RBM20: variants seen among roughly 807,000 people sequenced by gnomAD.
RBM20 encodes the protein RNA binding motif protein 20, also known as RNA-binding protein 20.
A neutral mutation model predicts 110.1 loss-of-function variants in RBM20; 51 were observed. The ratio of observed to expected loss-of-function variants is 0.46; its 90% CI spans 0.37 to 0.59. RBM20 has a LOEUF of 0.59. Among genes scored for constraint, RBM20 ranks in the 20% least tolerant of loss-of-function variants. The pLI, the probability that RBM20 is intolerant of heterozygous loss-of-function variation, is 0.00. For missense variants in RBM20, 1,512 were observed against 1,574.9 expected (o/e 0.96, Z 0.68); for synonymous variants, 589 against 618.2 (o/e 0.95, Z 0.70).
intron 1 of RBM20, among the ~76,000 whole-genome samples, chr10:110,767,707 G>A (rs984778975): frequency 1.3e-5 from 2 of 151,070 alleles, no homozygotes; most frequent in Non-Finnish European, 3.0e-5. Flanking sequence ...CGGGGCAAAG[G>A]CGCTCCCCAC....
intron 1 of RBM20, among the ~76,000 whole-genome samples, chr10:110,655,816 C>T (rs547699306): frequency 6.6e-6 from 1 of 152,290 alleles, no homozygotes; most frequent in African/African-American, 2.4e-5. Context: ...ATCCTTTAAA[C>T]CATGAGTTTC....
chr10:110,739,600 A>G lies in RBM20; in HGVS notation c.192-41201A>G, dbSNP rs1843704771. Among the ~76,000 whole-genome samples, 1 of 152,178 alleles carries G rather than the reference A, an allele frequency of 6.6e-6. No individual in the cohort carries two copies. The highest frequency in any genetic ancestry group is 2.4e-5 in the African/African-American group (1 of 41,442). ...TCTACAGCCTTCCAGAAAGAACTCAACTCGAGGACTGACGTGGTGGTGGAA... is the reference window on the plus strand; with the variant it reads ...TCTACAGCCTTCCAGAAAGAACTCAGCTCGAGGACTGACGTGGTGGTGGAA... On this transcript the variant is annotated intron_variant, in intron 1 of 13. Transcript: ENST00000369519. This position sits in a 1 kb window ranked among gnomAD's most constrained non-coding sequence, Gnocchi z 4.1.
intron 12 of RBM20, among the ~76,000 whole-genome samples, chr10:110,827,407 CAA>C (rs35330052): frequency 6.9e-6 from 1 of 145,752 alleles, no homozygotes; most frequent in Non-Finnish European, 1.5e-5. Context: ...GGAAAAGAAA[CAA>C]AAAAAAAAAC....
chr10:110,758,014 C>CTTTCTTTT (rs1843943237), intron 1 of RBM20, among the ~76,000 whole-genome samples: 1 of 79,910 alleles, frequency 1.3e-5, no homozygotes, highest in African/African-American at 5.2e-5. Flanking sequence ...GATCCTTGTT[C>CTTTCTTTT]TTTTTTTTTT....
intron 1 of RBM20, among the ~76,000 whole-genome samples, chr10:110,728,307 C>G (rs1843585634): frequency 6.6e-6 from 1 of 152,192 alleles, no homozygotes; most frequent in African/African-American, 2.4e-5. Context: ...CCCAGGGCCC[C>G]TGCCATAAAT....
intron 13 of RBM20, among the ~76,000 whole-genome samples, chr10:110,833,750 T>C (rs899268143): frequency 2.6e-5 from 4 of 152,216 alleles, no homozygotes; most frequent in African/African-American, 9.7e-5. Context: ...CTTGTAGTTC[T>C]CAAGTGCATT....
intron 1 of RBM20, among the ~76,000 whole-genome samples, chr10:110,728,013 G>A (rs1031723553): frequency 7.9e-5 from 12 of 152,154 alleles, no homozygotes; most frequent in East Asian, 1.9e-4. Flanking sequence ...AGTATTTCAC[G>A]GTATATATGT....
chr10:110,783,088 GA>G (rs1448348710), intron 2 of RBM20, among the ~76,000 whole-genome samples: 1 of 152,164 alleles, frequency 6.6e-6, no homozygotes, highest in African/African-American at 2.4e-5. Context: ...GGTCCATTGA[GA>G]GGGGTAGAGG....
At chr10:110,749,614 A>G (rs572985130) in intron 1 of RBM20, among the ~76,000 whole-genome samples, 1 of 152,316 alleles carries the variant, frequency 6.6e-6, no homozygotes, top group Admixed American at 6.5e-5. Flanking sequence ...ATTGATTTGA[A>G]GAGTAAGGTA....
At chr10:110,724,067 G>A (rs571338663) in intron 1 of RBM20, among the ~76,000 whole-genome samples, 26 of 152,278 alleles carry the variant, frequency 1.7e-4, no homozygotes, top group Admixed American at 8.5e-4. Flanking sequence ...AAAAGTTACC[G>A]GGTAAGAGAC....
intron 10 of RBM20, 42 bp downstream of exon 10, chr10:110,820,218 TGAGTCACAG>T (rs1474891369): frequency 8.0e-6 from 11 of 1,379,770 alleles, no homozygotes; most frequent in Non-Finnish European, 1.1e-5. Flanking sequence ...CATGAGGGAC[TGAGTCACAG>T]GAGTCCCCCT....
At chr10:110,814,498 GTT>G (rs879506869) in intron 9 of RBM20, among the ~76,000 whole-genome samples, 1 of 145,628 alleles carries the variant, frequency 6.9e-6, no homozygotes, top group African/African-American at 2.5e-5. Context: ...GTTTTGTTTT[GTT>G]TTTTTTTTTG....
chr10:110,653,701 G>A (rs966499228), intron 1 of RBM20, among the ~76,000 whole-genome samples: 6 of 151,992 alleles, frequency 3.9e-5, no homozygotes. Context: ...TACTGTAGAC[G>A]TGCACCACCA....
chr10:110,734,618 C>CA (rs34824300), intron 1 of RBM20, among the ~76,000 whole-genome samples: 2,687 of 136,516 alleles, frequency 0.02, 43 homozygotes, highest in Admixed American at 0.032. Context: ...AAAATTCCCT[C>CA]TTTTTTTTTT....
Position 110,713,094 on chromosome 10 carries a change from T to C in RBM20, c.192-67707T>C, listed in dbSNP as rs1246629367. On this transcript the variant is annotated intron_variant, in intron 1 of 13. Coordinates refer to ENST00000369519, the MANE Select transcript of RBM20 (RefSeq NM_001134363.3). The stretch of plus-strand genomic sequence containing the variant: ...TCAGTGCTTGCTCTATTCTCCCTGC[T>C]CTTTAGGGCTTTTAGTGTGAGAATC... Among the ~76,000 whole-genome samples, 4 of 152,234 alleles carry C rather than the reference T, an allele frequency of 2.6e-5. No homozygotes were observed. In the South Asian group the frequency reaches 8.3e-4, roughly 31 times the overall value.
At chr10:110,666,777 A>G (rs1392793285) in intron 1 of RBM20, among the ~76,000 whole-genome samples, 3 of 152,206 alleles carry the variant, frequency 2.0e-5, no homozygotes, top group African/African-American at 7.2e-5. Flanking sequence ...CTTGGGGCTC[A>G]AACTATTGTA....
At chr10:110,703,533 G>A (rs1242090844) in intron 1 of RBM20, among the ~76,000 whole-genome samples, 1 of 152,090 alleles carries the variant, frequency 6.6e-6, no homozygotes. Flanking sequence ...ATCACAGCCA[G>A]GATATTAACA....
At chr10:110,646,544 C>T (rs1280937877) in intron 1 of RBM20, among the ~76,000 whole-genome samples, 2 of 152,200 alleles carry the variant, frequency 1.3e-5, no homozygotes, top group African/African-American at 4.8e-5. Flanking sequence ...GACCAGGTCC[C>T]AGGGCTGTGA....
chr10:110,783,459 G>A lies in RBM20; in HGVS notation c.1337+32G>A, dbSNP rs6585012. ...GCTGTTCAGGAGGACAGGCTCATGC[G>A]TAGGCTCAACACATATTCACTGAGC... On this transcript the variant is annotated intron_variant, in intron 3 of 13. Transcript: ENST00000369519. 1,205,918 of 1,505,016 alleles carry A rather than the reference G, an allele frequency of 0.8. 485,682 individuals are homozygous for A. Among genetic ancestry groups the A allele is most frequent in the East Asian group, 0.98 (39,971 of 40,674 alleles). 93.2% of individuals were successfully genotyped at this position (1,505,016 alleles called of 1,614,324 possible).
Sources: allele counts gnomAD v4.1 joint callset (sites outside exome capture counted in the v4.1 genomes callset), GRCh38; gene constraint gnomAD v4.1.1; non-coding constraint Gnocchi (gnomAD v3.1); transcripts MANE v1.5; gene names NCBI Gene and HGNC (gene_info 2026-07-23, HGNC 2026-07-21).